NUS1: variants seen among roughly 807,000 people sequenced by gnomAD.
The protein encoded by NUS1 is NUS1 dehydrodolichyl diphosphate synthase subunit, also known as dehydrodolichyl diphosphate synthase complex subunit NUS1.
For missense variants in NUS1, 292 were observed against 382.9 expected (o/e 0.76, Z 1.98); for synonymous variants, 135 against 155.2 (o/e 0.87, Z 0.97).
chr6:117,696,788 T>G (rs996585207), intron 3 of NUS1, among the ~76,000 whole-genome samples: 2 of 152,066 alleles, frequency 1.3e-5, no homozygotes, highest in Non-Finnish European at 2.9e-5. Context: ...AATTGTTTAA[T>G]CAGAAAGGAA....
At chr6:117,678,577 C>G (rs916731351) in intron 1 of NUS1, among the ~76,000 whole-genome samples, 3 of 151,326 alleles carry the variant, frequency 2.0e-5, no homozygotes, top group Non-Finnish European at 2.9e-5. Context: ...AGGAGAGGCT[C>G]TTTGAATATA....
At position 117,710,535 on chromosome 6, in the gene NUS1, T is replaced by A. The variant is rs1773560620; in HGVS notation, c.*3520T>A. 6.6e-6 allele frequency: 1 copy of A among 152,114 alleles called. No homozygotes were observed. Among genetic ancestry groups the A allele is most frequent in the South Asian group, 2.1e-4 (1 of 4,820 alleles). The allele number at this position is 152,114 out of a possible 1,614,324, so 9.4% of individuals were successfully genotyped here. On this transcript the variant is annotated 3_prime_UTR_variant, in exon 5 of 5. Coordinates refer to ENST00000368494, the MANE Select transcript of NUS1 (RefSeq NM_138459.5). ...AAACAAAGGAATGTAACCTTATTGA[T>A]TACATTTTTGGTGATCACCGAGAAT...
chr6:117,695,393 A>C (rs1773305388), intron 3 of NUS1, among the ~76,000 whole-genome samples: 1 of 151,926 alleles, frequency 6.6e-6, no homozygotes. Context: ...TCATTGCCTA[A>C]TTATATTCAG....
At chr6:117,699,647 A>G (rs1287826141) in intron 3 of NUS1, among the ~76,000 whole-genome samples, 1 of 152,188 alleles carries the variant, frequency 6.6e-6, no homozygotes, top group African/African-American at 2.4e-5. Flanking sequence ...ACTAGAAAAA[A>G]CAATCCGAAA....
chr6:117,678,098 T>A (rs1773009863), intron 1 of NUS1, among the ~76,000 whole-genome samples: 1 of 152,190 alleles, frequency 6.6e-6, no homozygotes, highest in Non-Finnish European at 1.5e-5. Flanking sequence ...AAGTATCCTG[T>A]GTCATAGTTG....
chr6:117,695,929 C>T (rs1043261595), intron 3 of NUS1, among the ~76,000 whole-genome samples: 4 of 152,098 alleles, frequency 2.6e-5, no homozygotes, highest in South Asian at 4.1e-4. Flanking sequence ...AGATATACCA[C>T]GTTTTGCTTA....
At chr6:117,690,026 T>TTTTA (rs1417917263) in intron 1 of NUS1, among the ~76,000 whole-genome samples, 4 of 152,212 alleles carry the variant, frequency 2.6e-5, no homozygotes, top group Non-Finnish European at 5.9e-5. Flanking sequence ...AATATATGCT[T>TTTTA]TTTATATACA....
At chr6:117,692,961 GTGT>G (rs1247344150) in intron 1 of NUS1, 78 bp from the exon 2 acceptor site, 55 of 1,134,742 alleles carry the variant, frequency 4.8e-5, no homozygotes, top group Non-Finnish European at 6.4e-5. Context: ...TCTGGATCTA[GTGT>G]TGTTTTCATA....
At position 117,693,317 on chromosome 6, in the gene NUS1, C is replaced by T. The variant is rs1179399268; in HGVS notation, c.541+150C>T. ...TTTAATCATCAGATTTAGACTTTCT[C>T]GTCTTAATCTTGGTAAAAAGTGAAC... is the stretch of plus-strand genomic sequence containing the variant. On this transcript the variant is annotated intron_variant, in intron 2 of 4. Transcript: ENST00000368494. The T allele has an allele frequency of 2.5e-5, 24 of 956,882 alleles. No homozygotes were observed. In the South Asian group the frequency reaches 2.8e-4, roughly 11 times the overall value. 59.3% of individuals were successfully genotyped at this position (956,882 alleles called of 1,614,324 possible). A position where few individuals can be genotyped will look rare whatever the true frequency, so the allele number is the denominator to read the frequency against.
At chr6:117,683,801 T>C (rs1773097482) in intron 1 of NUS1, among the ~76,000 whole-genome samples, 3 of 152,246 alleles carry the variant, frequency 2.0e-5, no homozygotes, top group Admixed American at 6.5e-5. Flanking sequence ...GACTTGATTA[T>C]ACATTTCACA....
chr6:117,686,844 AAGTGTGTATG>A (rs1317624750), intron 1 of NUS1, among the ~76,000 whole-genome samples: 1 of 117,384 alleles, frequency 8.5e-6, no homozygotes, highest in African/African-American at 3.6e-5. Context: ...GTATCATGTG[AAGTGTGTATG>A]TGTGTGTGTG....
chr6:117,686,852 ATGTGTGTGTGTGTGTGTGTGTGTG>A (rs56080181), intron 1 of NUS1, among the ~76,000 whole-genome samples: 4 of 139,306 alleles, frequency 2.9e-5, no homozygotes, highest in South Asian at 2.4e-4. Context: ...TGAAGTGTGT[ATGTGTGTGTGTGTGTGTGTGTGTG>A]TGTGTGTGTG....
At chr6:117,699,772 T>C (rs1228097104) in intron 3 of NUS1, among the ~76,000 whole-genome samples, 2 of 152,078 alleles carry the variant, frequency 1.3e-5, no homozygotes, top group African/African-American at 4.8e-5. Flanking sequence ...GCTATACTTA[T>C]AGTTACCAAA....
At chr6:117,691,576 T>TATATATAG (rs1554201834) in intron 1 of NUS1, among the ~76,000 whole-genome samples, 10 of 146,494 alleles carry the variant, frequency 6.8e-5, no homozygotes, top group African/African-American at 2.2e-4. Context: ...TATATATATA[T>TATATATAG]ATATATATAT....
intron 1 of NUS1, 37 bp downstream of exon 1, chr6:117,676,122 G>A: frequency 6.5e-7 from 1 of 1,549,754 alleles, no homozygotes; most frequent in African/African-American, 1.4e-5. Flanking sequence ...TGGCCGAGGC[G>A]TCTTGGACCG....
intron 1 of NUS1, among the ~76,000 whole-genome samples, chr6:117,676,995 C>T (rs745729620): frequency 6.6e-6 from 1 of 152,126 alleles, no homozygotes; most frequent in Non-Finnish European, 1.5e-5. Flanking sequence ...TCTTGGAAGG[C>T]TGGGATGGTT....
intron 2 of NUS1, among the ~76,000 whole-genome samples, chr6:117,693,497 T>C (rs146817246): frequency 1.3e-4 from 20 of 152,314 alleles, no homozygotes; most frequent in Admixed American, 5.2e-4. Context: ...GAATCTTTGC[T>C]GGACAAGAAA....
At chr6:117,706,080 T>C (rs1773497022) in intron 4 of NUS1, among the ~76,000 whole-genome samples, 1 of 152,212 alleles carries the variant, frequency 6.6e-6, no homozygotes, top group African/African-American at 2.4e-5. Context: ...ACCCTGATAC[T>C]ATTTGGAATT....
intron 1 of NUS1, among the ~76,000 whole-genome samples, chr6:117,680,440 T>A (rs1206005729): frequency 6.6e-6 from 1 of 152,236 alleles, no homozygotes; most frequent in African/African-American, 2.4e-5. Context: ...TGGAACTTGT[T>A]CTTATTTCCT....
Sources: gnomAD v4.1 joint callset for allele counts (sites outside exome capture counted in the v4.1 genomes callset) on GRCh38, gnomAD v4.1.1 for gene constraint, MANE v1.5 for transcripts, NCBI Gene and HGNC (gene_info 2026-07-23, HGNC 2026-07-21) for gene names.